Variants in TWSG1 observed in about 807,000 individuals in gnomAD.
The protein encoded by TWSG1 is twisted gastrulation BMP signaling modulator 1, also known as twisted gastrulation protein homolog 1.
TWSG1 carries 15 observed loss-of-function variants against 23.0 expected under a neutral mutation model. That is an observed-to-expected ratio of 0.65 (90% confidence interval 0.44 to 1.00). The LOEUF is 1.00. Among genes scored for constraint, TWSG1 ranks in the 50% least tolerant of loss-of-function variants. The pLI, the probability that TWSG1 is intolerant of heterozygous loss-of-function variation, is 0.00. For synonymous variants in TWSG1, 86 were observed against 92.8 expected, an observed-to-expected ratio of 0.93 and a Z score of 0.42; for missense variants, 242 against 278.7, an observed-to-expected ratio of 0.87 and a Z score of 0.94.
At chr18:9,344,517 G>GTGTGTGTGTGTGTGTGTGTGTGTGTA (rs1555650744) in intron 2 of TWSG1, among the ~76,000 whole-genome samples, 3 of 105,760 alleles carry the variant, frequency 2.8e-5, no homozygotes, top group Non-Finnish European at 5.5e-5. Flanking sequence ...GTGTGTGTGT[G>GTGTGTGTGTGTGTGTGTGTGTGTGTA]TGTGTATGTA....
At chr18:9,370,351 G>C (rs747425420) in intron 3 of TWSG1, among the ~76,000 whole-genome samples, 1 of 151,594 alleles carries the variant, frequency 6.6e-6, no homozygotes, top group Non-Finnish European at 1.5e-5. Flanking sequence ...GACCAATGTC[G>C]TGGCACTTTC....
At chr18:9,360,420 G>A (rs559319835) in intron 3 of TWSG1, among the ~76,000 whole-genome samples, 3 of 152,102 alleles carry the variant, frequency 2.0e-5, no homozygotes, top group African/African-American at 4.8e-5. Context: ...TCTCCAAGAT[G>A]TGTTAAGTAA....
intron 2 of TWSG1, among the ~76,000 whole-genome samples, chr18:9,356,069 C>T (rs1379613079): frequency 6.6e-6 from 1 of 152,164 alleles, no homozygotes; most frequent in African/African-American, 2.4e-5. Context: ...GTAGTTTTTA[C>T]CATTAAAGTC....
intron 2 of TWSG1, among the ~76,000 whole-genome samples, chr18:9,355,981 G>C (rs2040525323): frequency 6.6e-6 from 1 of 152,088 alleles, no homozygotes; most frequent in Non-Finnish European, 1.5e-5. Context: ...TGGTTTTTTA[G>C]TCTTTTCTGT....
At chr18:9,387,418 C>T (rs2040689578) in intron 3 of TWSG1, among the ~76,000 whole-genome samples, 1 of 152,062 alleles carries the variant, frequency 6.6e-6, no homozygotes, top group African/African-American at 2.4e-5. Flanking sequence ...CAGCAGTGGT[C>T]CAGAATATGC....
chr18:9,390,352 G>A (rs1372318087), intron 3 of TWSG1, among the ~76,000 whole-genome samples: 6 of 152,054 alleles, frequency 3.9e-5, no homozygotes, highest in South Asian at 2.1e-4. Flanking sequence ...TAGTAGAGAC[G>A]GGGTTTCACC....
At chr18:9,363,785 C>G (rs1475374742) in intron 3 of TWSG1, among the ~76,000 whole-genome samples, 1 of 151,238 alleles carries the variant, frequency 6.6e-6, no homozygotes, top group East Asian at 1.9e-4. Flanking sequence ...GCCACCATAT[C>G]TAGATACTTT....
chr18:9,352,461 G>T (rs1359780895), intron 2 of TWSG1, among the ~76,000 whole-genome samples: 2 of 152,072 alleles, frequency 1.3e-5, no homozygotes, highest in Admixed American at 6.6e-5. Flanking sequence ...GGGATTGCTG[G>T]GTCACCGGAG....
intron 3 of TWSG1, among the ~76,000 whole-genome samples, chr18:9,386,943 A>C (rs2040687746): frequency 6.6e-6 from 1 of 152,232 alleles, no homozygotes; most frequent in African/African-American, 2.4e-5. Flanking sequence ...TTTTTAGACA[A>C]ATAAGAACTC....
chr18:9,381,932 T>G (rs555721896), intron 3 of TWSG1, among the ~76,000 whole-genome samples: 1 of 152,284 alleles, frequency 6.6e-6, no homozygotes, highest in Non-Finnish European at 1.5e-5. Context: ...ACTGTGCTTA[T>G]CCGCACGTTT....
chr18:9,373,978 A>G (rs1330611948), intron 3 of TWSG1, among the ~76,000 whole-genome samples: 1 of 152,224 alleles, frequency 6.6e-6, no homozygotes, highest in Non-Finnish European at 1.5e-5. Context: ...AGAAATCTCA[A>G]GAGGAATTTA....
At chr18:9,396,706 AT>A (rs1373235905) in intron 4 of TWSG1, 160 bp downstream of exon 4, 4 of 856,512 alleles carry the variant, frequency 4.7e-6, no homozygotes, top group Non-Finnish European at 6.9e-6. Flanking sequence ...ATCCCATCAT[AT>A]CTAGAGGCAC....
In TWSG1 at chr18:9,396,426, G is replaced by T; in HGVS notation, c.370G>T (p.Ala124Ser). ...TTGGAACATCGTTTCTTTCCCTGTTGCAGAAGAACTTTCACATCATGAGAA... is the reference window on the plus strand; with the variant it reads ...TTGGAACATCGTTTCTTTCCCTGTTTCAGAAGAACTTTCACATCATGAGAA... ...LNWNIVSFPV[A>S]EELSHHENLV... is the part of the protein sequence containing the mutation. The change falls in exon 4 of 5, where the codon GCA (alanine) becomes TCA (serine). Residue 124 changes from alanine to serine, a missense_variant. Coordinates refer to ENST00000262120, the MANE Select transcript of TWSG1 (RefSeq NM_020648.6). 1 of 1,614,178 alleles carries T rather than the reference G, an allele frequency of 6.2e-7. No homozygotes were observed. Among genetic ancestry groups the T allele is most frequent in the Non-Finnish European group, 8.5e-7 (1 of 1,180,044 alleles).
intron 3 of TWSG1, among the ~76,000 whole-genome samples, chr18:9,391,006 T>C (rs1159220682): frequency 1.3e-5 from 2 of 152,142 alleles, no homozygotes; most frequent in African/African-American, 4.8e-5. Flanking sequence ...AGAGTAAGAC[T>C]CTCTCTCAAT....
intron 3 of TWSG1, among the ~76,000 whole-genome samples, chr18:9,368,904 T>C (rs1427858322): frequency 6.6e-6 from 1 of 151,822 alleles, no homozygotes; most frequent in Non-Finnish European, 1.5e-5. Context: ...GCCGAGATCA[T>C]GCAACTGCAC....
intron 3 of TWSG1, among the ~76,000 whole-genome samples, chr18:9,387,770 C>CAAAAAAAA (rs10616614): frequency 8.3e-6 from 1 of 120,914 alleles, no homozygotes. Context: ...AACTCTGTCT[C>CAAAAAAAA]AAAAAAAAAA....
At position 9,399,026 on chromosome 18, in the gene TWSG1, C is replaced by A. The variant is rs117790481; in HGVS notation, c.491-320C>A. Among the ~76,000 whole-genome samples the A allele has an allele frequency of 5.1e-3, 775 of 151,888 alleles. 5 individuals carry two copies. The highest frequency in any genetic ancestry group is 6.7e-3 in the Non-Finnish European group (453 of 67,910). ...CCATCTCAAAAAAAAAAAGGAAATG[C>A]CCAGTTTAAAAGCACAGCTGTATAA... On this transcript the variant is annotated intron_variant, in intron 4 of 4. Coordinates refer to ENST00000262120, the MANE Select transcript of TWSG1 (RefSeq NM_020648.6).
intron 3 of TWSG1, among the ~76,000 whole-genome samples, chr18:9,374,229 A>G (rs965239957): frequency 2.6e-5 from 4 of 152,226 alleles, no homozygotes; most frequent in Admixed American, 1.3e-4. Flanking sequence ...TAAGAAATCA[A>G]TAATCAACGA....
chr18:9,390,421 A>G (rs532104665), intron 3 of TWSG1, among the ~76,000 whole-genome samples: 2 of 152,126 alleles, frequency 1.3e-5, no homozygotes, highest in South Asian at 4.2e-4. Flanking sequence ...TCGGCCTCCC[A>G]AAGTGCTGGG....
Sources: gnomAD v4.1 joint callset for allele counts (sites outside exome capture counted in the v4.1 genomes callset) on GRCh38, gnomAD v4.1.1 for gene constraint, MANE v1.5 for transcripts, NCBI Gene and HGNC (gene_info 2026-07-23, HGNC 2026-07-21) for gene names.